The following KCNT2 variants were observed in gnomAD, a reference collection of about 807,000 sequenced individuals.
KCNT2 encodes potassium channel subfamily T member 2.
Under a neutral mutation model 153.8 loss-of-function variants are expected in KCNT2, and 67 were observed. The ratio of observed to expected loss-of-function variants is 0.44; its 90% CI spans 0.36 to 0.53. The LOEUF is 0.53. KCNT2 is among the 20% of genes least tolerant of loss of function. The probability of loss-of-function intolerance (pLI) is 0.00; values close to 1 mark genes in which losing one functional copy is unlikely to be tolerated. For missense variants in KCNT2, 975 were observed against 1,354.8 expected (o/e 0.72, Z 4.40); for synonymous variants, 500 against 458.8 (o/e 1.09, Z -1.15).
chr1:196,263,875 C>T (rs1029010698), intron 25 of KCNT2, among the ~76,000 whole-genome samples: 1 of 152,084 alleles, frequency 6.6e-6, no homozygotes, highest in Non-Finnish European at 1.5e-5. Context: ...TTTTATGATA[C>T]ATTTTTAAAT....
intron 1 of KCNT2, among the ~76,000 whole-genome samples, chr1:196,563,742 T>A (rs1659737509): frequency 6.6e-6 from 1 of 151,788 alleles, no homozygotes; most frequent in South Asian, 2.1e-4. Context: ...ATACATCACA[T>A]CAACAAAATG....
chr1:196,418,750 T>C (rs1197453462), intron 12 of KCNT2, among the ~76,000 whole-genome samples: 1 of 152,154 alleles, frequency 6.6e-6, no homozygotes, highest in African/African-American at 2.4e-5. Flanking sequence ...TAATTACCTA[T>C]TTAAAAGCCC....
chr1:196,455,717 T>C (rs1029952719), intron 8 of KCNT2, among the ~76,000 whole-genome samples: 4 of 152,004 alleles, frequency 2.6e-5, no homozygotes, highest in Admixed American at 6.6e-5. Context: ...TTATTGGCCC[T>C]CTTAGATGAT....
chr1:196,529,390 A>G (rs1654651660), intron 1 of KCNT2, among the ~76,000 whole-genome samples: 1 of 152,152 alleles, frequency 6.6e-6, no homozygotes, highest in Non-Finnish European at 1.5e-5. Flanking sequence ...CTTACCCTAC[A>G]GTACCTTTTT....
chr1:196,473,784 T>C lies in KCNT2; in HGVS notation c.385-4716A>G, dbSNP rs140000519. 1.5e-4 allele frequency among the ~76,000 whole-genome samples: 23 copies of C among 152,048 alleles called. 1 individual carries two copies. The highest frequency in any genetic ancestry group is 2.2e-4 in the African/African-American group (9 of 41,510). ...GGCCAAAAAGGAGTCCCAATAAGCATAAATCACAAAAACCTAAGGATAAAT... is the reference window on the plus strand; with the variant it reads ...GGCCAAAAAGGAGTCCCAATAAGCACAAATCACAAAAACCTAAGGATAAAT... On this transcript the variant is annotated intron_variant, in intron 5 of 27. Coordinates refer to ENST00000294725, the MANE Select transcript of KCNT2 (RefSeq NM_198503.5).
intron 25 of KCNT2, among the ~76,000 whole-genome samples, chr1:196,276,521 G>C (rs1208365090): frequency 1.3e-5 from 2 of 151,702 alleles, no homozygotes; most frequent in African/African-American, 4.8e-5. Flanking sequence ...TTTATGCTTG[G>C]GGGTCTTTAC....
intron 22 of KCNT2, among the ~76,000 whole-genome samples, chr1:196,293,143 G>A (rs965423148): frequency 3.9e-5 from 6 of 151,962 alleles, no homozygotes; most frequent in African/African-American, 4.8e-5. Context: ...AATCTAAAGC[G>A]TTATTGTGGT....
In KCNT2 at chr1:196,595,531, T is replaced by G. The variant is rs201486199; in HGVS notation, c.95+12684A>C. 3.9e-5 allele frequency among the ~76,000 whole-genome samples: 6 copies of G among 152,216 alleles called. No homozygotes were observed. In the East Asian group the frequency reaches 9.7e-4, roughly 25 times the overall value. On this transcript the variant is annotated intron_variant, in intron 1 of 27. Transcript: ENST00000294725. ...TAAAATCCACAAATGCTCAAGTCTC[T>G]GATATAAATGACATAACGTTTGCAC...
chr1:196,378,729 TATA>T (rs1392306443), intron 13 of KCNT2, among the ~76,000 whole-genome samples: 2 of 148,076 alleles, frequency 1.4e-5, no homozygotes, highest in East Asian at 1.9e-4. Context: ...CAATATAATA[TATA>T]ATAATTTAAT....
intron 12 of KCNT2, among the ~76,000 whole-genome samples, chr1:196,418,758 C>A (rs2148507165): frequency 6.6e-6 from 1 of 152,188 alleles, no homozygotes; most frequent in East Asian, 1.9e-4. Context: ...TATTTAAAAG[C>A]CCTATATCCA....
At chr1:196,331,563 G>T (rs1355689745) in intron 17 of KCNT2, among the ~76,000 whole-genome samples, 4 of 151,934 alleles carry the variant, frequency 2.6e-5, no homozygotes, top group African/African-American at 4.8e-5. Flanking sequence ...TATAAATAAA[G>T]CTTTATTATA....
At chr1:196,557,419 C>A (rs1658824473) in intron 1 of KCNT2, among the ~76,000 whole-genome samples, 1 of 151,186 alleles carries the variant, frequency 6.6e-6, no homozygotes, top group Non-Finnish European at 1.5e-5. Flanking sequence ...AAAATCATAG[C>A]AAATGCCATC....
At chr1:196,260,708 C>A (rs947883996) in intron 25 of KCNT2, among the ~76,000 whole-genome samples, 5 of 151,828 alleles carry the variant, frequency 3.3e-5, no homozygotes, top group African/African-American at 1.2e-4. Context: ...TTTCTTCCAA[C>A]AGGACATAAT....
intron 12 of KCNT2, among the ~76,000 whole-genome samples, chr1:196,401,103 A>C (rs1671375270): frequency 6.6e-6 from 1 of 151,824 alleles, no homozygotes; most frequent in African/African-American, 2.4e-5. Flanking sequence ...CCTCTGAACC[A>C]AGAATCCATG....
rs528515008 is a variant in KCNT2 at position 196,485,543 on chromosome 1, T to C, written c.276-3164A>G. Reference sequence around the variant, plus strand: ...TTTGGTCTGTGATATTGGTAGGCAATTGAAATGTCATAAAGAATTTAAATA... The same window carrying C: ...TTTGGTCTGTGATATTGGTAGGCAACTGAAATGTCATAAAGAATTTAAATA... On this transcript the variant is annotated intron_variant, in intron 3 of 27. Transcript: ENST00000294725. 5.3e-5 allele frequency among the ~76,000 whole-genome samples: 8 copies of C among 152,098 alleles called. No individual in the cohort carries two copies. The East Asian group carries it at 9.7e-4, about 18-fold the overall frequency.
intron 16 of KCNT2, among the ~76,000 whole-genome samples, chr1:196,338,811 C>A (rs1358881619): frequency 6.6e-6 from 1 of 151,544 alleles, no homozygotes; most frequent in Non-Finnish European, 1.5e-5. Flanking sequence ...TGGAAAAAAA[C>A]TGAATGATTC....
intron 25 of KCNT2, among the ~76,000 whole-genome samples, chr1:196,275,498 T>C (rs1658479554): frequency 6.6e-6 from 1 of 151,856 alleles, no homozygotes; most frequent in South Asian, 2.1e-4. Flanking sequence ...ATGTTAATAG[T>C]TTTGATTATC....
chr1:196,453,992 T>A (rs949889237), intron 8 of KCNT2, among the ~76,000 whole-genome samples: 1 of 133,386 alleles, frequency 7.5e-6, no homozygotes, highest in Admixed American at 8.0e-5. Flanking sequence ...TTTGTCATCT[T>A]TCCATTTTTT....
At chr1:196,436,079 G>C (rs1182425992) in intron 8 of KCNT2, among the ~76,000 whole-genome samples, 1 of 151,372 alleles carries the variant, frequency 6.6e-6, no homozygotes, top group Non-Finnish European at 1.5e-5. Flanking sequence ...CTAAGACATG[G>C]AGAAGTTTGA....
Sources: allele counts gnomAD v4.1 joint callset (sites outside exome capture counted in the v4.1 genomes callset), GRCh38; gene constraint gnomAD v4.1.1; transcripts MANE v1.5; gene names NCBI Gene and HGNC (gene_info 2026-07-23, HGNC 2026-07-21).